ZMYM1: variants seen among roughly 807,000 people sequenced by gnomAD.
The protein encoded by ZMYM1 is zinc finger MYM-type protein 1.
In ZMYM1, 39 loss-of-function variants were observed where a neutral mutation model predicts 60.0. The ratio of observed to expected loss-of-function variants is 0.65; its 90% CI spans 0.50 to 0.85. ZMYM1 has a LOEUF of 0.85. Ranked by LOEUF, ZMYM1 falls within the 40% of genes least tolerant of loss-of-function variation. ZMYM1 has a pLI of 0.00. For synonymous variants in ZMYM1, 413 were observed against 454.0 expected, an observed-to-expected ratio of 0.91 and a Z score of 1.15; for missense variants, 1,171 against 1,309.5, an observed-to-expected ratio of 0.89 and a Z score of 1.63.
At chr1:35,104,148 T>C (rs1376240617) in intron 4 of ZMYM1, 147 bp from the exon 5 acceptor site, 28 of 666,536 alleles carry the variant, frequency 4.2e-5, no homozygotes, top group Non-Finnish European at 6.7e-5. Context: ...TTAGGGAGTA[T>C]AAATGTGACA....
chr1:35,095,023 A>G (rs566162723), intron 2 of ZMYM1, among the ~76,000 whole-genome samples: 1 of 152,158 alleles, frequency 6.6e-6, no homozygotes, highest in East Asian at 1.9e-4. Flanking sequence ...AACACTGGGG[A>G]ATGTTACTCA....
intron 4 of ZMYM1, among the ~76,000 whole-genome samples, chr1:35,103,518 T>C (rs1465248165): frequency 1.3e-5 from 2 of 152,222 alleles, no homozygotes; most frequent in East Asian, 3.8e-4. Flanking sequence ...TATTCCACTG[T>C]ATGTATGTAA....
upstream of ZMYM1, among the ~76,000 whole-genome samples, chr1:35,077,125 A>G (rs891895976): frequency 3.3e-5 from 5 of 152,018 alleles, no homozygotes; most frequent in Admixed American, 6.6e-5. Flanking sequence ...TTTCAGATCT[A>G]TCACTGGGGG....
At chr1:35,088,458 G>C (rs12045660) in intron 1 of ZMYM1, among the ~76,000 whole-genome samples, 1 of 71,922 alleles carries the variant, frequency 1.4e-5, no homozygotes, top group South Asian at 6.0e-4. Flanking sequence ...ATATATATGT[G>C]TGTGTGTGTG....
chr1:35,097,511 A>G lies in ZMYM1; in HGVS notation c.364A>G (p.Ile122Val). The G allele has an allele frequency of 1.2e-6, 2 of 1,614,168 alleles. No individual in the cohort carries two copies. Among genetic ancestry groups the G allele is most frequent in the Non-Finnish European group, 8.5e-7 (1 of 1,180,032 alleles). Reference sequence around the variant, plus strand: ...CTCCATACCATGCATCACTGAATACATTTCATCTGCCAGTTCACCAGTTCC... The same window carrying G: ...CTCCATACCATGCATCACTGAATACGTTTCATCTGCCAGTTCACCAGTTCC... The part of the protein sequence containing the change: ...FCSIPCITEY[I>V]SSASSPVPSK... The change falls in exon 4 of 10, where the codon ATT becomes GTT. Residue 122 changes from isoleucine to valine, a missense_variant. Coordinates refer to ENST00000359858, the MANE Select transcript of ZMYM1 (RefSeq NM_024772.5).
chr1:35,090,071 AAT>A (rs1422975373), intron 1 of ZMYM1, among the ~76,000 whole-genome samples: 1 of 151,868 alleles, frequency 6.6e-6, no homozygotes, highest in Non-Finnish European at 1.5e-5. Context: ...ACGCCCGGCT[AAT>A]TTTTTTGTAT....
Position 35,097,548 on chromosome 1 carries a change from C to G in ZMYM1, c.401C>G (p.Thr134Ser), listed in dbSNP as rs1170390671. Residue 134 changes from threonine to serine, a missense_variant, in exon 4 of 10, where the codon ACT becomes AGT. Transcript: ENST00000359858. ...AGTTCACCAGTTCCTTCTAAGAGAACTTGTTCAAACTGCTCAAAGTATATA... is the reference window on the plus strand; with the variant it reads ...AGTTCACCAGTTCCTTCTAAGAGAAGTTGTTCAAACTGCTCAAAGTATATA... ...SASSPVPSKR[T>S]CSNCSKDILN... 1 of 1,614,196 alleles carries G rather than the reference C, an allele frequency of 6.2e-7. No homozygotes were observed. The highest frequency in any genetic ancestry group is 1.1e-5 in the South Asian group (1 of 91,084).
At chr1:35,062,697 G>T (rs967955429) in intron 1 of ZMYM1, among the ~76,000 whole-genome samples, 2 of 152,174 alleles carry the variant, frequency 1.3e-5, no homozygotes, top group Non-Finnish European at 2.9e-5. Context: ...CAGAAACCGG[G>T]TCTGGTTACT....
intron 4 of ZMYM1, among the ~76,000 whole-genome samples, chr1:35,101,828 C>T (rs1053108816): frequency 3.9e-5 from 6 of 152,098 alleles, no homozygotes; most frequent in Admixed American, 2.6e-4. Context: ...AAGGTGTGAG[C>T]CACCGCGCCT....
At chr1:35,104,898 G>A (rs879696597) in intron 6 of ZMYM1, 129 bp downstream of exon 6, 7 of 653,642 alleles carry the variant, frequency 1.1e-5, no homozygotes, top group African/African-American at 3.6e-5. Flanking sequence ...TGAAATAGAA[G>A]GCTTTTAACG....
At position 35,115,047 on chromosome 1, in the gene ZMYM1, G is replaced by T. The variant is rs751573061; in HGVS notation, c.3217G>T (p.Ala1073Ser). ...TTGTCTCTCAAAGCTATTATATATT[G>T]CTTTGTCTTGGCCAATTACTTCAGC... ...IPCLSKLLYIALSWPITSAST... is the reference protein window; with the variant it reads ...IPCLSKLLYISLSWPITSAST... The change falls in exon 10 of 10, where the codon GCT (alanine) becomes TCT (serine). Residue 1073 changes from alanine to serine, a missense_variant. Coordinates refer to ENST00000359858, the MANE Select transcript of ZMYM1 (RefSeq NM_024772.5). 1 of 1,613,990 alleles carries T rather than the reference G, an allele frequency of 6.2e-7. No homozygotes were observed. Among genetic ancestry groups the T allele is most frequent in the Non-Finnish European group, 8.5e-7 (1 of 1,179,942 alleles).
intron 1 of ZMYM1, among the ~76,000 whole-genome samples, chr1:35,072,400 G>A (rs1481622287): frequency 1.3e-5 from 2 of 152,028 alleles, no homozygotes; most frequent in Non-Finnish European, 1.5e-5. Flanking sequence ...CAGTTGCAGT[G>A]TCTTCTTTTT....
intron 9 of ZMYM1, 140 bp from the exon 10 acceptor site, chr1:35,112,837 T>C (rs1417490966): frequency 1.5e-6 from 1 of 668,178 alleles, no homozygotes; most frequent in Non-Finnish European, 2.2e-6. Context: ...AAGTTATACG[T>C]AATTGTTAAC....
chr1:35,097,284 C>T (rs1643386089), intron 3 of ZMYM1, 33 bp from the exon 4 acceptor site: 1 of 1,545,854 alleles, frequency 6.5e-7, no homozygotes, highest in Admixed American at 2.2e-5. Flanking sequence ...GTGTAAATAA[C>T]AATTTTTTTT....
At chr1:35,109,194 T>A (rs554579501) in intron 6 of ZMYM1, among the ~76,000 whole-genome samples, 3 of 152,156 alleles carry the variant, frequency 2.0e-5, no homozygotes, top group South Asian at 4.2e-4. Flanking sequence ...GCTAATTTTT[T>A]ATTTTTATTT....
intron 3 of ZMYM1, among the ~76,000 whole-genome samples, chr1:35,096,350 C>T (rs565781514): frequency 1.3e-5 from 2 of 150,622 alleles, no homozygotes; most frequent in Non-Finnish European, 3.0e-5. Context: ...AGAGGCTGGG[C>T]ATGGTGCCTC....
upstream of ZMYM1, chr1:35,079,190 T>G (rs973429676): frequency 2.6e-5 from 4 of 152,350 alleles, no homozygotes; most frequent in African/African-American, 7.2e-5. Context: ...AGGGTCCTAC[T>G]TTGGCTGCCA....
intron 1 of ZMYM1, among the ~76,000 whole-genome samples, chr1:35,081,005 G>A (rs1385511153): frequency 1.3e-5 from 2 of 151,724 alleles, no homozygotes; most frequent in Non-Finnish European, 2.9e-5. Flanking sequence ...GTGCAGTAGC[G>A]CGATCTCAGC....
chr1:35,063,493 G>T (rs1641911929), intron 1 of ZMYM1, among the ~76,000 whole-genome samples: 1 of 151,848 alleles, frequency 6.6e-6, no homozygotes, highest in Non-Finnish European at 1.5e-5. Context: ...TTAGAGATGG[G>T]GTCTCACCAT....
Sources: gnomAD v4.1 joint callset for allele counts (sites outside exome capture counted in the v4.1 genomes callset) on GRCh38, gnomAD v4.1.1 for gene constraint, MANE v1.5 for transcripts, NCBI Gene and HGNC (gene_info 2026-07-23, HGNC 2026-07-21) for gene names.